The following RAD51B variants were observed in gnomAD, a reference collection of about 807,000 sequenced individuals.
RAD51B encodes the protein RAD51 paralog B.
A neutral mutation model predicts 42.2 loss-of-function variants in RAD51B; 38 were observed. The ratio of observed to expected loss-of-function variants is 0.90; its 90% CI spans 0.70 to 1.18. The LOEUF (loss-of-function observed/expected upper bound fraction) is 1.18. Ranked by LOEUF, RAD51B falls within the 50% of genes most tolerant of loss-of-function variation. The pLI is 0.00. For synonymous variants in RAD51B, 154 were observed against 145.2 expected (o/e 1.06, Z -0.43); for missense variants, 373 against 400.7 (o/e 0.93, Z 0.59).
intron 8 of RAD51B, among the ~76,000 whole-genome samples, chr14:68,299,016 A>G (rs752882802): frequency 4.6e-5 from 7 of 152,046 alleles, no homozygotes; most frequent in Admixed American, 2.0e-4. Flanking sequence ...GTTCCGAACT[A>G]GTTTCTGATA....
Position 68,585,303 on chromosome 14 carries a change from C to A in RAD51B, c.1037-9182C>A, listed in dbSNP as rs879552342. ...CTCCCTTTTCTTCAGAGGGAATAAG[C>A]CCAATTCCTGCTTCACCATGGCAGG... On this transcript the variant is annotated intron_variant, in intron 10 of 10. Transcript: ENST00000487270. 2.6e-5 allele frequency among the ~76,000 whole-genome samples: 4 copies of A among 152,210 alleles called. No individual in the cohort carries two copies. The East Asian group carries it at 7.7e-4, about 29-fold the overall frequency.
At chr14:67,973,720 A>C (rs1355200408) in intron 7 of RAD51B, among the ~76,000 whole-genome samples, 1 of 152,190 alleles carries the variant, frequency 6.6e-6, no homozygotes, top group Non-Finnish European at 1.5e-5. Context: ...TGTCCTGATT[A>C]CAGCTCTTTA....
chr14:68,357,736 A>T (rs2082938270), intron 8 of RAD51B, among the ~76,000 whole-genome samples: 1 of 151,690 alleles, frequency 6.6e-6, no homozygotes, highest in Admixed American at 6.6e-5. Context: ...TTTGAAAGAG[A>T]TCTCTTTTTT....
At chr14:67,822,485 T>C (rs1379468520) in intron 1 of RAD51B, among the ~76,000 whole-genome samples, 1 of 152,120 alleles carries the variant, frequency 6.6e-6, no homozygotes, top group Non-Finnish European at 1.5e-5. Flanking sequence ...GAGACCAGCT[T>C]GGGCAACATG....
At chr14:68,036,758 T>C (rs1285168225) in intron 7 of RAD51B, among the ~76,000 whole-genome samples, 1 of 152,218 alleles carries the variant, frequency 6.6e-6, no homozygotes, top group Non-Finnish European at 1.5e-5. Flanking sequence ...AGTGCCTTTT[T>C]TTTAAACCTG....
chr14:68,122,987 A>G (rs933404828), intron 7 of RAD51B, among the ~76,000 whole-genome samples: 2 of 152,150 alleles, frequency 1.3e-5, no homozygotes, highest in African/African-American at 2.4e-5. Context: ...ACACAGACAC[A>G]CACACACAAA....
intron 10 of RAD51B, among the ~76,000 whole-genome samples, chr14:68,496,196 A>T (rs1489286267): frequency 6.6e-6 from 1 of 152,210 alleles, no homozygotes; most frequent in Non-Finnish European, 1.5e-5. Flanking sequence ...TACTGACAGG[A>T]TGAAGGAAAA....
intron 3 of RAD51B, among the ~76,000 whole-genome samples, chr14:67,826,691 T>C (rs1028639355): frequency 3.9e-5 from 6 of 152,092 alleles, no homozygotes; most frequent in Non-Finnish European, 8.8e-5. Context: ...TCTTTCTTTT[T>C]TTTTTTTTTG....
At chr14:67,861,232 A>G (rs941160895) in intron 4 of RAD51B, among the ~76,000 whole-genome samples, 1 of 151,982 alleles carries the variant, frequency 6.6e-6, no homozygotes, top group Non-Finnish European at 1.5e-5. Context: ...ACTGTTGTAT[A>G]GAATCCCTAG....
chr14:67,912,535 T>A (rs2044019930), intron 7 of RAD51B, among the ~76,000 whole-genome samples: 1 of 152,154 alleles, frequency 6.6e-6, no homozygotes, highest in East Asian at 1.9e-4. Context: ...TTCTACTGAT[T>A]GGGAGAGAAA....
chr14:68,466,237 G>A (rs1235893834), intron 9 of RAD51B, among the ~76,000 whole-genome samples: 1 of 152,186 alleles, frequency 6.6e-6, no homozygotes, highest in Non-Finnish European at 1.5e-5. Flanking sequence ...AGGGTTAAGG[G>A]AACCATATGT....
intron 5 of RAD51B, among the ~76,000 whole-genome samples, chr14:67,865,781 G>A (rs1011201303): frequency 6.6e-5 from 10 of 151,768 alleles, no homozygotes; most frequent in African/African-American, 2.4e-4. Flanking sequence ...CTTGTGATCC[G>A]CCTGCCTTGG....
chr14:68,280,100 C>G (rs1458261006), intron 7 of RAD51B, among the ~76,000 whole-genome samples: 1 of 152,208 alleles, frequency 6.6e-6, no homozygotes, highest in East Asian at 1.9e-4. Flanking sequence ...AAATAGAACC[C>G]AGGAGTCTGT....
At chr14:68,035,824 C>T (rs1175554222) in intron 7 of RAD51B, among the ~76,000 whole-genome samples, 1 of 152,130 alleles carries the variant, frequency 6.6e-6, no homozygotes, top group African/African-American at 2.4e-5. Flanking sequence ...AGAAATCAAG[C>T]ACCTGAGTTT....
rs75205055 is a variant in RAD51B at position 68,546,308 on chromosome 14, T to C, written c.1037-48177T>C. ...AGAGATTTAGAGGACTCATCAGAGTTAACATCATCAGACCTTGGTGAGGGA... is the reference window on the plus strand; with the variant it reads ...AGAGATTTAGAGGACTCATCAGAGTCAACATCATCAGACCTTGGTGAGGGA... On this transcript the variant is annotated intron_variant, in intron 10 of 10. Transcript: ENST00000487270. 1.1e-3 allele frequency among the ~76,000 whole-genome samples: 175 copies of C among 152,266 alleles called. No individual in the cohort carries two copies. In the East Asian group the frequency reaches 0.03, roughly 26 times the overall value.
chr14:68,504,662 CTTTTTTTTT>C (rs57967320), intron 10 of RAD51B, among the ~76,000 whole-genome samples: 1,273 of 90,526 alleles, frequency 0.014, 27 homozygotes, highest in African/African-American at 0.046. Flanking sequence ...TTTTTTCTTT[CTTTTTTTTT>C]TTTTTTTTTT....
At chr14:68,076,580 A>C (rs866336211) in intron 7 of RAD51B, among the ~76,000 whole-genome samples, 10 of 152,332 alleles carry the variant, frequency 6.6e-5, no homozygotes, top group Middle Eastern at 3.4e-3. Flanking sequence ...AGGACCAAGA[A>C]ATTAGAACTG....
intron 7 of RAD51B, among the ~76,000 whole-genome samples, chr14:68,212,605 T>C (rs79870261): frequency 0.019 from 2,936 of 152,298 alleles, 100 homozygotes; most frequent in African/African-American, 0.067. Flanking sequence ...ACATCATTTA[T>C]GAGAAATGAT....
intron 8 of RAD51B, among the ~76,000 whole-genome samples, chr14:68,318,721 G>T (rs1027974296): frequency 2.6e-5 from 4 of 152,220 alleles, no homozygotes; most frequent in African/African-American, 7.2e-5. Context: ...GGCCAGCACT[G>T]TTGGGCCTTG....
Sources: allele counts gnomAD v4.1 joint callset (sites outside exome capture counted in the v4.1 genomes callset), GRCh38; gene constraint gnomAD v4.1.1; transcripts MANE v1.5; gene names NCBI Gene and HGNC (gene_info 2026-07-23, HGNC 2026-07-21).